DCAF4: variants seen among roughly 807,000 people sequenced by gnomAD.
DCAF4 encodes DDB1- and CUL4-associated factor 4.
In DCAF4, 37 loss-of-function variants were observed where a neutral mutation model predicts 60.9. The observed-to-expected ratio is 0.61, with a 90% CI of 0.47 to 0.80. The LOEUF (loss-of-function observed/expected upper bound fraction) is 0.80, where lower values mean the gene tolerates loss of function less well. Among genes scored for constraint, DCAF4 ranks in the 30% least tolerant of loss-of-function variants. The pLI, the probability that DCAF4 is intolerant of heterozygous loss-of-function variation, is 0.00. For synonymous variants in DCAF4, 243 were observed against 254.8 expected (o/e 0.95, Z 0.44); for missense variants, 577 against 650.0 (o/e 0.89, Z 1.22).
rs1255174803 is a variant in DCAF4 at position 72,959,318 on chromosome 14, T to C, written c.*513T>C. On this transcript the variant is annotated 3_prime_UTR_variant, in exon 14 of 14. Transcript: ENST00000358377. ...TGCAGAAATATTGAAGGCTGGAGTTTGGAATCCTTAAACTTGGCCTTCTCA... is the reference window on the plus strand; with the variant it reads ...TGCAGAAATATTGAAGGCTGGAGTTCGGAATCCTTAAACTTGGCCTTCTCA... The C allele has an allele frequency of 2.0e-6, 2 of 985,596 alleles. No individual in the cohort carries two copies. Among genetic ancestry groups the C allele is most frequent in the Non-Finnish European group, 2.4e-6 (2 of 830,152 alleles). The allele number at this position is 985,596 out of a possible 1,614,324, so 61.1% of individuals were successfully genotyped here.
rs555124811 is a variant in DCAF4, at chr14:72,954,287, A to G, written c.907+25A>G. On this transcript the variant is annotated intron_variant, in intron 10 of 13. Coordinates refer to ENST00000358377, the MANE Select transcript of DCAF4 (RefSeq NM_015604.4). ...GGTGAGCCTGGCTCCCCAGGTGCCC[A>G]GAGAAGAGGCCTTAACAGGCCTTAA... 6 of 1,613,874 alleles carry G rather than the reference A, an allele frequency of 3.7e-6. No homozygotes were observed. The Admixed American group carries it at 6.7e-5, about 18-fold the overall frequency.
At chr14:72,949,568 A>G (rs890130846) in intron 8 of DCAF4, among the ~76,000 whole-genome samples, 1 of 152,310 alleles carries the variant, frequency 6.6e-6, no homozygotes, top group African/African-American at 2.4e-5. Flanking sequence ...CAGCCTGGCC[A>G]ACATGGTGAA....
intron 5 of DCAF4, chr14:72,942,759 C>CT: frequency 1.9e-6 from 1 of 519,228 alleles, no homozygotes. Flanking sequence ...AACTCCCACT[C>CT]TTTGACTCTG....
At chr14:72,943,721 C>T (rs567935992) in intron 6 of DCAF4, among the ~76,000 whole-genome samples, 1 of 152,262 alleles carries the variant, frequency 6.6e-6, no homozygotes, top group African/African-American at 2.4e-5. Flanking sequence ...CCTGACCTTT[C>T]GATGGACCAC....
At chr14:72,936,132 T>C (rs546819975) in intron 1 of DCAF4, among the ~76,000 whole-genome samples, 1 of 152,304 alleles carries the variant, frequency 6.6e-6, no homozygotes, top group Non-Finnish European at 1.5e-5. Flanking sequence ...CTTCCCTTCC[T>C]GTGCGCAGTC....
chr14:72,954,433 C>T lies in DCAF4; in HGVS notation c.955C>T (p.Gln319Ter). Residue 319 changes from glutamine (Q) to a stop codon, truncating the protein, a stop_gained, in exon 11 of 14, where the codon CAG (glutamine) becomes TAG (stop). Transcript: ENST00000358377. LOFTEE classifies it high-confidence loss of function. ...GACCAACGTGGTGACGGGACACCGG[C>T]AGTCCTTTGGGACCAACAGTGATGT... The part of the protein sequence containing the change: ...LLTNVVTGHR[Q>*]SFGTNSDVLA... 6.2e-7 allele frequency: 1 copy of T among 1,614,234 alleles called. No individual in the cohort carries two copies. Among genetic ancestry groups the T allele is most frequent in the Non-Finnish European group, 8.5e-7 (1 of 1,180,040 alleles).
intron 1 of DCAF4, among the ~76,000 whole-genome samples, chr14:72,929,078 A>T (rs116769952): frequency 2.6e-5 from 4 of 152,242 alleles, no homozygotes; most frequent in African/African-American, 9.6e-5. Context: ...GGCGGCACGG[A>T]CGCCCGGGGC....
chr14:72,947,085 C>T (rs1890832126), intron 7 of DCAF4, 57 bp from the exon 8 acceptor site: 3 of 1,608,188 alleles, frequency 1.9e-6, no homozygotes, highest in Admixed American at 1.7e-5. Context: ...TGTTATTCCA[C>T]AGGAAAGCAT....
intron 8 of DCAF4, among the ~76,000 whole-genome samples, chr14:72,948,640 A>G (rs1165554125): frequency 1.3e-5 from 2 of 152,134 alleles, no homozygotes. Flanking sequence ...AAAAAAATCC[A>G]TGTAATTGGA....
intron 3 of DCAF4, 26 bp downstream of exon 3, chr14:72,939,928 C>T: frequency 1.3e-6 from 2 of 1,569,556 alleles, no homozygotes; most frequent in Non-Finnish European, 1.7e-6. Flanking sequence ...GGGTGGGAAT[C>T]CTGGCCCTTG....
chr14:72,928,186 A>ATTTTTTTTTTTTT (rs1887902685), intron 1 of DCAF4, among the ~76,000 whole-genome samples: 3 of 21,686 alleles, frequency 1.4e-4, no homozygotes, highest in Non-Finnish European at 1.8e-4. Context: ...GAATCCCCCC[A>ATTTTTTTTTTTTT]CTTTTTTTTT....
chr14:72,952,992 CTTTTTTTTTTTT>C (rs34917327), intron 9 of DCAF4, among the ~76,000 whole-genome samples: 2 of 41,604 alleles, frequency 4.8e-5, no homozygotes, highest in South Asian at 1.8e-3. Context: ...AATGCCCGGC[CTTTTTTTTTTTT>C]TTTTTTTTTT....
chr14:72,941,641 G>T, intron 4 of DCAF4, 104 bp from the exon 5 acceptor site: 1 of 1,062,834 alleles, frequency 9.4e-7, no homozygotes, highest in Non-Finnish European at 1.4e-6. Context: ...TGCCAATTTA[G>T]TGCCTGTTTC....
rs768685218 is a variant in DCAF4, at chr14:72,940,388, C to T, written c.351+11C>T. 1 of 1,605,662 alleles carries T rather than the reference C, an allele frequency of 6.2e-7. No homozygotes were observed. The highest frequency in any genetic ancestry group is 1.1e-5 in the South Asian group (1 of 89,812). ...GACAGACGGAAAAAGGTGGGCTCCT[C>T]ACCCCTTCGCCCCCTGTCCTCTCCG... is the stretch of plus-strand genomic sequence containing the variant. On this transcript the variant is annotated intron_variant, in intron 4 of 13. Coordinates refer to ENST00000358377, the MANE Select transcript of DCAF4 (RefSeq NM_015604.4).
intron 8 of DCAF4, among the ~76,000 whole-genome samples, chr14:72,947,585 G>A (rs1211673839): frequency 6.6e-6 from 1 of 152,208 alleles, no homozygotes; most frequent in East Asian, 1.9e-4. Context: ...CCTGCCGGAG[G>A]GCTGGTGTGG....
rs1039796213 is a variant in DCAF4, at chr14:72,926,468, C to G, written c.-84C>G. ...TGGCTGACGCTACACCTTGGTCTTT[C>G]CGGGTCCTTGCACGCTTCGCTCCAA... On this transcript the variant is annotated 5_prime_UTR_variant, in exon 1 of 14. Transcript: ENST00000358377. The G allele has an allele frequency of 3.3e-5, 5 of 152,576 alleles. No homozygotes were observed. The highest frequency in any genetic ancestry group is 9.6e-5 in the African/African-American group (4 of 41,478). The allele number at this position is 152,576 out of a possible 1,614,324, so 9.5% of individuals were successfully genotyped here.
intron 1 of DCAF4, among the ~76,000 whole-genome samples, chr14:72,930,255 TTTTGAGACGGAGTTTTTTTTGTTTG>T (rs997988360): frequency 1.3e-5 from 2 of 151,696 alleles, no homozygotes; most frequent in African/African-American, 2.4e-5. Context: ...TCTTTTTTTT[TTTTGAGACGGAGTTTTTTTTGTTTG>T]TTTTTGAGAC....
Position 72,959,303 on chromosome 14 carries a change from T to C in DCAF4, c.*498T>C, listed in dbSNP as rs1022783296. ...ACTTCTCTAAGTTTCTGCAGAAATATTGAAGGCTGGAGTTTGGAATCCTTA... is the reference window on the plus strand; with the variant it reads ...ACTTCTCTAAGTTTCTGCAGAAATACTGAAGGCTGGAGTTTGGAATCCTTA... On this transcript the variant is annotated 3_prime_UTR_variant, in exon 14 of 14. Transcript: ENST00000358377. The C allele has an allele frequency of 1.0e-6, 1 of 985,792 alleles. No individual in the cohort carries two copies. Among genetic ancestry groups the C allele is most frequent in the Non-Finnish European group, 1.2e-6 (1 of 830,222 alleles). The allele number at this position is 985,792 out of a possible 1,614,324, so 61.1% of individuals were successfully genotyped here.
At chr14:72,956,025 C>T (rs1158655332) in intron 12 of DCAF4, among the ~76,000 whole-genome samples, 3 of 142,756 alleles carry the variant, frequency 2.1e-5, no homozygotes, top group African/African-American at 7.8e-5. Flanking sequence ...CAGGTTCAAG[C>T]GATTCTCCTG....
Sources: gnomAD v4.1 joint callset for allele counts (sites outside exome capture counted in the v4.1 genomes callset) on GRCh38, gnomAD v4.1.1 for gene constraint, MANE v1.5 for transcripts, NCBI Gene and HGNC (gene_info 2026-07-23, HGNC 2026-07-21) for gene names.